Variants in CADM2 observed in about 807,000 individuals in gnomAD.
CADM2 encodes cell adhesion molecule 2.
CADM2 carries 12 observed loss-of-function variants against 49.8 expected under a neutral mutation model. The observed-to-expected ratio is 0.24, with a 90% confidence interval of 0.15 to 0.39. The LOEUF is 0.39. Ranked by LOEUF, CADM2 falls within the 10% of genes least tolerant of loss-of-function variation. The pLI is 1.00. For missense variants in CADM2, 378 were observed against 492.3 expected (o/e 0.77, Z 2.20); for synonymous variants, 214 against 175.4 (o/e 1.22, Z -1.74).
chr3:85,937,297 T>G (rs994708709), intron 7 of CADM2, among the ~76,000 whole-genome samples: 16 of 152,006 alleles, frequency 1.1e-4, no homozygotes, highest in South Asian at 6.2e-4. Flanking sequence ...AGCACAATAA[T>G]TTCTTATTTA....
intron 1 of CADM2, among the ~76,000 whole-genome samples, chr3:85,080,898 CTAAT>C (rs1330685671): frequency 6.6e-6 from 1 of 151,824 alleles, no homozygotes; most frequent in Non-Finnish European, 1.5e-5. Flanking sequence ...TATACTAAAA[CTAAT>C]TATTAGAATA....
chr3:84,970,564 T>C (rs1216844101), intron 1 of CADM2, among the ~76,000 whole-genome samples: 1 of 151,994 alleles, frequency 6.6e-6, no homozygotes. Flanking sequence ...GAAAAGATAT[T>C]ATTAACTAGA....
intron 2 of CADM2, among the ~76,000 whole-genome samples, chr3:85,733,886 T>C (rs1017519610): frequency 1.4e-4 from 21 of 152,208 alleles, no homozygotes; most frequent in Non-Finnish European, 3.1e-4. Context: ...ATTTGCTTAT[T>C]CTACAGCTTC....
chr3:85,571,641 G>A lies in CADM2; in HGVS notation c.62-154881G>A, dbSNP rs188059871. Among the ~76,000 whole-genome samples the A allele has an allele frequency of 7.5e-3, 1,141 of 152,118 alleles. 20 individuals carry two copies. The highest frequency in any genetic ancestry group is 0.027 in the African/African-American group (1,101 of 41,474). ...AGCACATTGAATTCTTACTCTCTAA[G>A]CTAAACTTATTTTTCTCATGCTTTG... On this transcript the variant is annotated intron_variant, in intron 1 of 9. Coordinates refer to ENST00000383699, the MANE Select transcript of CADM2 (RefSeq NM_001167675.2).
At chr3:85,969,709 C>G (rs1299429805) in intron 8 of CADM2, among the ~76,000 whole-genome samples, 1 of 150,882 alleles carries the variant, frequency 6.6e-6, no homozygotes, top group Non-Finnish European at 1.5e-5. Flanking sequence ...CTATGACCTC[C>G]TAGGAAACAG....
At chr3:86,009,987 G>T (rs111288173) in intron 8 of CADM2, among the ~76,000 whole-genome samples, 2 of 151,752 alleles carry the variant, frequency 1.3e-5, no homozygotes, top group African/African-American at 4.8e-5. Flanking sequence ...CTTGTTGATT[G>T]TCTTGGTGAA....
chr3:85,863,281 A>C, intron 3 of CADM2, among the ~76,000 whole-genome samples: 1 of 152,146 alleles, frequency 6.6e-6, no homozygotes, highest in East Asian at 1.9e-4. Flanking sequence ...CTATGGTTGG[A>C]ATGTCCCCTC....
At chr3:85,210,436 T>A (rs2107766448) in intron 1 of CADM2, among the ~76,000 whole-genome samples, 1 of 152,324 alleles carries the variant, frequency 6.6e-6, no homozygotes, top group South Asian at 2.1e-4. Flanking sequence ...GTAGTTTTCA[T>A]TTTTTGATGT....
At chr3:85,342,046 A>C (rs1231713081) in intron 1 of CADM2, among the ~76,000 whole-genome samples, 1 of 152,324 alleles carries the variant, frequency 6.6e-6, no homozygotes, top group African/African-American at 2.4e-5. Flanking sequence ...TCTGAACAGC[A>C]AAAGAAACTA....
At chr3:85,926,741 A>G (rs1396405754) in intron 6 of CADM2, among the ~76,000 whole-genome samples, 1 of 152,180 alleles carries the variant, frequency 6.6e-6, no homozygotes, top group Admixed American at 6.6e-5. Context: ...TGTATTTTAA[A>G]AGAATATTTT....
chr3:85,985,767 A>C (rs1329191124), intron 8 of CADM2, among the ~76,000 whole-genome samples: 12 of 150,978 alleles, frequency 7.9e-5, no homozygotes, highest in African/African-American at 2.5e-4. Context: ...ATTTGAAACC[A>C]TCTTAGTGAC....
chr3:85,372,936 T>C (rs2107325150), intron 1 of CADM2, among the ~76,000 whole-genome samples: 1 of 152,154 alleles, frequency 6.6e-6, no homozygotes, highest in Non-Finnish European at 1.5e-5. Flanking sequence ...ACACCAGGTC[T>C]CTCCCGTGGA....
At chr3:85,206,204 CAG>C (rs2041629224) in intron 1 of CADM2, among the ~76,000 whole-genome samples, 1 of 151,600 alleles carries the variant, frequency 6.6e-6, no homozygotes, top group African/African-American at 2.4e-5. Context: ...TTTGTCAAAT[CAG>C]AAACATAAGT....
At chr3:85,371,814 T>G (rs2033262406) in intron 1 of CADM2, among the ~76,000 whole-genome samples, 1 of 150,724 alleles carries the variant, frequency 6.6e-6, no homozygotes, top group Admixed American at 6.6e-5. Flanking sequence ...TTTGTATACT[T>G]GGGTTCCAGA....
intron 1 of CADM2, among the ~76,000 whole-genome samples, chr3:85,511,311 G>A (rs1336500575): frequency 6.6e-6 from 1 of 152,042 alleles, no homozygotes; most frequent in African/African-American, 2.4e-5. Context: ...AGTAAAATGT[G>A]ACATTTCCAG....
intron 1 of CADM2, among the ~76,000 whole-genome samples, chr3:85,440,989 G>T (rs564699462): frequency 9.5e-4 from 144 of 151,874 alleles, no homozygotes; most frequent in African/African-American, 3.3e-3. Flanking sequence ...ATAATAAAAA[G>T]ACATATTTTA....
At chr3:85,340,472 GATAC>G (rs1372386772) in intron 1 of CADM2, among the ~76,000 whole-genome samples, 3 of 151,364 alleles carry the variant, frequency 2.0e-5, no homozygotes, top group Non-Finnish European at 4.4e-5. Context: ...GTGCATTATA[GATAC>G]ATATATATGT....
At chr3:85,549,708 CT>C (rs1413779851) in intron 1 of CADM2, among the ~76,000 whole-genome samples, 2 of 152,092 alleles carry the variant, frequency 1.3e-5, no homozygotes, top group African/African-American at 4.8e-5. Flanking sequence ...ACTACAACCT[CT>C]GCCTCCCAGG....
At chr3:85,648,416 C>A (rs564203175) in intron 1 of CADM2, among the ~76,000 whole-genome samples, 1 of 151,880 alleles carries the variant, frequency 6.6e-6, no homozygotes, top group East Asian at 1.9e-4. Flanking sequence ...TTTTTCCACC[C>A]CCCTCTATCT....
Sources: allele counts gnomAD v4.1 joint callset (sites outside exome capture counted in the v4.1 genomes callset), GRCh38; gene constraint gnomAD v4.1.1; transcripts MANE v1.5; gene names NCBI Gene and HGNC (gene_info 2026-07-23, HGNC 2026-07-21).